CRACR2A: variants seen among roughly 807,000 people sequenced by gnomAD.
The protein encoded by CRACR2A is calcium release activated channel regulator 2A, also known as EF-hand calcium-binding domain-containing protein 4B.
A neutral mutation model predicts 90.5 loss-of-function variants in CRACR2A; 79 were observed. The ratio of observed to expected loss-of-function variants is 0.87; its 90% CI spans 0.73 to 1.05. The LOEUF (loss-of-function observed/expected upper bound fraction) is 1.05, where lower values mean the gene tolerates loss of function less well. CRACR2A is among the 50% of genes least tolerant of loss of function. The pLI is 0.00. For synonymous variants in CRACR2A, 338 were observed against 356.7 expected (o/e 0.95, Z 0.59); for missense variants, 823 against 897.2 (o/e 0.92, Z 1.06).
chr12:3,643,412 G>A (rs1236913439), intron 12 of CRACR2A, among the ~76,000 whole-genome samples: 1 of 152,142 alleles, frequency 6.6e-6, no homozygotes, highest in East Asian at 1.9e-4. Flanking sequence ...ATGGAGGGGG[G>A]ATGGGAATTC....
chr12:3,680,382 T>C (rs1405271188), intron 4 of CRACR2A, 33 bp from the exon 5 acceptor site: 11 of 1,564,174 alleles, frequency 7.0e-6, no homozygotes, highest in Non-Finnish European at 9.6e-6. Flanking sequence ...TGGTTAACAC[T>C]GACACTCACT....
intron 2 of CRACR2A, among the ~76,000 whole-genome samples, chr12:3,714,903 G>A (rs915009459): frequency 2.6e-5 from 4 of 152,338 alleles, no homozygotes; most frequent in African/African-American, 9.6e-5. Flanking sequence ...AGAAAATGCA[G>A]TAGAATGCCT....
rs757516907 is a variant in CRACR2A at position 3,673,470 on chromosome 12, T to C, written c.647A>G (p.Asn216Ser). 3.7e-6 allele frequency: 6 copies of C among 1,614,070 alleles called. No individual in the cohort carries two copies. The highest frequency in any genetic ancestry group is 5.1e-6 in the Non-Finnish European group (6 of 1,179,994). ...SQLQEAHEEKNELECALKRKI... is the reference protein window; with the variant it reads ...SQLQEAHEEKSELECALKRKI... ...CCTTTTTAGGGCACACTCCAGTTCA[T>C]TCTTCTCCTCATGGGCTTCTTGGAG... Residue 216 changes from asparagine (N) to serine (S), a missense_variant, in exon 7 of 20, where the codon AAT becomes AGT. Physicochemically the swap from Asn to Ser is conservative, Grantham distance 46. Transcript: ENST00000440314.
Position 3,688,680 on chromosome 12 carries a change from G to A in CRACR2A, c.228+8092C>T, listed in dbSNP as rs938569153. 2.6e-4 allele frequency among the ~76,000 whole-genome samples: 39 copies of A among 151,942 alleles called. 1 individual carries two copies. The highest frequency in any genetic ancestry group is 1.3e-4 in the Admixed American group (2 of 15,282). The stretch of plus-strand genomic sequence containing the variant: ...TTGTCTTGGCTATTTGAGCTCTTTT[G>A]GTTCCATATGAATTTTAAAATAGTT... On this transcript the variant is annotated intron_variant, in intron 4 of 19. Coordinates refer to ENST00000440314, the MANE Select transcript of CRACR2A (RefSeq NM_001144958.2).
chr12:3,677,159 G>A (rs1416274290), intron 6 of CRACR2A, among the ~76,000 whole-genome samples: 1 of 152,062 alleles, frequency 6.6e-6, no homozygotes, highest in Admixed American at 6.6e-5. Context: ...AAGGATTCTG[G>A]GAGGTTTATC....
chr12:3,627,727 G>T (rs1158300264), intron 15 of CRACR2A, 21 bp from the exon 16 acceptor site: 4 of 1,551,024 alleles, frequency 2.6e-6, no homozygotes, highest in Non-Finnish European at 3.5e-6. Flanking sequence ...AAATGGGCCT[G>T]TCAGGGCTGC....
intron 14 of CRACR2A, among the ~76,000 whole-genome samples, chr12:3,636,067 AT>A (rs762499044): frequency 4.6e-5 from 7 of 152,030 alleles, no homozygotes; most frequent in Non-Finnish European, 8.8e-5. Flanking sequence ...ATTATTGGAC[AT>A]TTTTTTTAAA....
chr12:3,733,637 G>A (rs1387623761), intron 1 of CRACR2A, among the ~76,000 whole-genome samples: 1 of 152,108 alleles, frequency 6.6e-6, no homozygotes, highest in Non-Finnish European at 1.5e-5. Context: ...ACTGAATCCG[G>A]GCCCTTGATG....
At chr12:3,697,244 G>C (rs968267280) in intron 3 of CRACR2A, among the ~76,000 whole-genome samples, 1 of 152,192 alleles carries the variant, frequency 6.6e-6, no homozygotes, top group Non-Finnish European at 1.5e-5. Flanking sequence ...AAAGGGAGGA[G>C]GGAAGAGTGC....
At chr12:3,681,221 C>T (rs920165093) in intron 4 of CRACR2A, among the ~76,000 whole-genome samples, 12 of 152,196 alleles carry the variant, frequency 7.9e-5, no homozygotes, top group Non-Finnish European at 1.6e-4. Context: ...ACCCAGGCCC[C>T]GAGTCCAGGT....
chr12:3,656,481 T>C (rs1944911362), intron 8 of CRACR2A, 75 bp from the exon 9 acceptor site: 1 of 1,326,256 alleles, frequency 7.5e-7, no homozygotes, highest in Non-Finnish European at 1.1e-6. Context: ...TTTTCCCACC[T>C]TGAACCTACT....
chr12:3,697,670 C>T (rs1591695808), intron 3 of CRACR2A, among the ~76,000 whole-genome samples: 1 of 152,178 alleles, frequency 6.6e-6, no homozygotes, highest in Non-Finnish European at 1.5e-5. Flanking sequence ...ACATCATTCA[C>T]AGTCAACAAG....
chr12:3,626,635 G>A (rs1268545237), intron 17 of CRACR2A, among the ~76,000 whole-genome samples: 1 of 152,194 alleles, frequency 6.6e-6, no homozygotes, highest in Non-Finnish European at 1.5e-5. Context: ...GAATCCTGCT[G>A]GTGGAAGGGG....
At chr12:3,640,922 T>A in intron 13 of CRACR2A, 2 of 926,894 alleles carry the variant, frequency 2.2e-6, no homozygotes, top group Non-Finnish European at 2.9e-6. Context: ...TTGAGTTAAT[T>A]AAATATAGGT....
At chr12:3,716,518 C>T (rs1005870532) in intron 2 of CRACR2A, among the ~76,000 whole-genome samples, 5 of 152,316 alleles carry the variant, frequency 3.3e-5, no homozygotes, top group South Asian at 2.1e-4. Flanking sequence ...TGTTGGCCAT[C>T]GTTAGTTCTG....
chr12:3,735,084 AT>A (rs34792866), intron 1 of CRACR2A, among the ~76,000 whole-genome samples: 2 of 151,932 alleles, frequency 1.3e-5, no homozygotes, highest in Non-Finnish European at 2.9e-5. Flanking sequence ...TATAAAAAAA[AT>A]TTTCTCTTTG....
chr12:3,620,188 C>T (rs954603584), intron 17 of CRACR2A, among the ~76,000 whole-genome samples: 52 of 152,314 alleles, frequency 3.4e-4, no homozygotes, highest in African/African-American at 1.1e-3. Flanking sequence ...CTCCTGAGGG[C>T]GCCCAAAGGG....
At chr12:3,750,316 C>T (rs548424203) in intron 1 of CRACR2A, among the ~76,000 whole-genome samples, 1 of 152,262 alleles carries the variant, frequency 6.6e-6, no homozygotes, top group East Asian at 1.9e-4. Context: ...AAAGCAAAAC[C>T]TCTGGAGCCC....
intron 4 of CRACR2A, among the ~76,000 whole-genome samples, chr12:3,687,296 A>C (rs1331001985): frequency 1.3e-5 from 2 of 151,564 alleles, no homozygotes; most frequent in East Asian, 3.9e-4. Context: ...TCACCCAGGT[A>C]TTAAGACTAG....
Sources: gnomAD v4.1 joint callset for allele counts (sites outside exome capture counted in the v4.1 genomes callset) on GRCh38, gnomAD v4.1.1 for gene constraint, MANE v1.5 for transcripts, NCBI Gene and HGNC (gene_info 2026-07-23, HGNC 2026-07-21) for gene names.